The following MACROD2 variants were observed in gnomAD, a reference collection of about 807,000 sequenced individuals.
MACROD2 encodes the protein ADP-ribose glycohydrolase MACROD2.
Under a neutral mutation model 70.4 loss-of-function variants are expected in MACROD2, and 36 were observed. The ratio of observed to expected loss-of-function variants is 0.51; its 90% CI spans 0.39 to 0.68. The LOEUF (loss-of-function observed/expected upper bound fraction) is 0.68. Among genes scored for constraint, MACROD2 ranks in the 30% least tolerant of loss-of-function variants. The pLI is 0.00. For synonymous variants in MACROD2, 172 were observed against 178.8 expected, an observed-to-expected ratio of 0.96 and a Z score of 0.30; for missense variants, 496 against 538.4, an observed-to-expected ratio of 0.92 and a Z score of 0.78.
chr20:15,716,363 A>G (rs528705992), intron 8 of MACROD2, among the ~76,000 whole-genome samples: 46 of 152,322 alleles, frequency 3.0e-4, no homozygotes, highest in African/African-American at 1.0e-3. Context: ...TGTTTAAGAC[A>G]TGGTCGATTC....
intron 2 of MACROD2, among the ~76,000 whole-genome samples, chr20:14,032,144 G>T (rs1385090998): frequency 1.3e-5 from 2 of 151,426 alleles, no homozygotes; most frequent in African/African-American, 4.9e-5. Context: ...ATTTTTTGAT[G>T]ATCTCATTAT....
intron 5 of MACROD2, among the ~76,000 whole-genome samples, chr20:15,053,809 C>A (rs781402525): frequency 1.3e-5 from 2 of 152,156 alleles, no homozygotes; most frequent in African/African-American, 2.4e-5. Flanking sequence ...GGGCAAAGAA[C>A]ATTGAAAACC....
Position 14,363,380 on chromosome 20 carries a change from AGGC to A in MACROD2, c.272-130098_272-130096del, listed in dbSNP as rs1250205077. Among the ~76,000 whole-genome samples the A allele has an allele frequency of 8.5e-5, 13 of 152,272 alleles. No homozygotes were observed. The South Asian group carries it at 1.2e-3, about 15-fold the overall frequency. ...AGTGAAAGAGGTGATATATGAACAA[AGGC>A]ATTTTGGTCCTAAAACATGCCGTTC... On this transcript the variant is annotated intron_variant, in intron 3 of 17. Transcript: ENST00000684519.
chr20:15,158,782 T>C (rs2076326956), intron 5 of MACROD2, among the ~76,000 whole-genome samples: 1 of 152,142 alleles, frequency 6.6e-6, no homozygotes, highest in Non-Finnish European at 1.5e-5. Context: ...TATGAAAAGA[T>C]CATTAACTTG....
At chr20:14,399,623 T>C (rs761930901) in intron 3 of MACROD2, among the ~76,000 whole-genome samples, 23 of 152,162 alleles carry the variant, frequency 1.5e-4, no homozygotes, top group Non-Finnish European at 3.2e-4. Context: ...AATTTGAACA[T>C]TTTTCTCTGT....
intron 5 of MACROD2, among the ~76,000 whole-genome samples, chr20:14,937,213 C>T (rs1207311417): frequency 6.6e-6 from 1 of 151,448 alleles, no homozygotes; most frequent in African/African-American, 2.4e-5. Context: ...TAGCGTAGGC[C>T]GAGATGGGAA....
intron 4 of MACROD2, among the ~76,000 whole-genome samples, chr20:14,662,287 G>C (rs574465978): frequency 1.3e-5 from 2 of 152,108 alleles, no homozygotes; most frequent in East Asian, 3.9e-4. Context: ...CTAGCCATAT[G>C]CAGAAGATTG....
chr20:15,556,942 G>A (rs888652808), intron 8 of MACROD2, among the ~76,000 whole-genome samples: 2 of 152,100 alleles, frequency 1.3e-5, no homozygotes, highest in Admixed American at 1.3e-4. Flanking sequence ...TTTACTGTTT[G>A]GGGCTTTTTC....
At chr20:15,882,189 AT>A (rs1417801031) in intron 9 of MACROD2, among the ~76,000 whole-genome samples, 1 of 152,148 alleles carries the variant, frequency 6.6e-6, no homozygotes, top group Non-Finnish European at 1.5e-5. Flanking sequence ...ATACAAAATT[AT>A]TTTAACATGC....
At chr20:15,419,781 G>T (rs2046203598) in intron 6 of MACROD2, among the ~76,000 whole-genome samples, 1 of 152,208 alleles carries the variant, frequency 6.6e-6, no homozygotes, top group South Asian at 2.1e-4. Flanking sequence ...TGCAGAATGT[G>T]CCTGATACAT....
intron 8 of MACROD2, among the ~76,000 whole-genome samples, chr20:15,513,976 AT>A (rs1326028473): frequency 6.6e-6 from 1 of 152,208 alleles, no homozygotes; most frequent in Non-Finnish European, 1.5e-5. Context: ...TTTTGTCTTC[AT>A]TTTTGTAACA....
intron 3 of MACROD2, among the ~76,000 whole-genome samples, chr20:14,360,154 A>G (rs985440266): frequency 6.6e-5 from 10 of 152,254 alleles, no homozygotes; most frequent in Admixed American, 2.0e-4. Flanking sequence ...CAAGGGGTCC[A>G]AAATTTCAGT....
intron 5 of MACROD2, among the ~76,000 whole-genome samples, chr20:14,730,604 C>G (rs776261642): frequency 1.3e-5 from 2 of 152,108 alleles, no homozygotes; most frequent in African/African-American, 2.4e-5. Flanking sequence ...GCAACAGACC[C>G]TTCCAGAAGG....
intron 3 of MACROD2, among the ~76,000 whole-genome samples, chr20:14,309,696 C>T (rs941930036): frequency 3.9e-5 from 6 of 152,098 alleles, no homozygotes; most frequent in African/African-American, 1.4e-4. Context: ...AATGATTTCT[C>T]TATTTTACCT....
At chr20:15,010,210 A>G (rs1396364497) in intron 5 of MACROD2, among the ~76,000 whole-genome samples, 1 of 152,222 alleles carries the variant, frequency 6.6e-6, no homozygotes, top group Non-Finnish European at 1.5e-5. Context: ...GCATTACCCT[A>G]TCTTCCCTAC....
intron 5 of MACROD2, among the ~76,000 whole-genome samples, chr20:14,749,542 G>C: frequency 6.6e-6 from 1 of 151,990 alleles, no homozygotes; most frequent in East Asian, 1.9e-4. Flanking sequence ...ATGATTCTTT[G>C]AACTTCAAAG....
chr20:15,012,186 A>C (rs1380933043), intron 5 of MACROD2, among the ~76,000 whole-genome samples: 1 of 152,216 alleles, frequency 6.6e-6, no homozygotes, highest in Non-Finnish European at 1.5e-5. Flanking sequence ...AACTAAACAA[A>C]GAAAACACCA....
chr20:14,878,540 GAT>G (rs2073575642), intron 5 of MACROD2, among the ~76,000 whole-genome samples: 1 of 152,074 alleles, frequency 6.6e-6, no homozygotes, highest in Non-Finnish European at 1.5e-5. Flanking sequence ...ACAAAATAGA[GAT>G]AGACTCAGGA....
chr20:15,289,101 C>T (rs543529662), intron 6 of MACROD2, among the ~76,000 whole-genome samples: 1 of 152,176 alleles, frequency 6.6e-6, no homozygotes, highest in South Asian at 2.1e-4. Flanking sequence ...GCCCGCCTCA[C>T]CCATGGGATG....
Sources: allele counts gnomAD v4.1 joint callset (sites outside exome capture counted in the v4.1 genomes callset), GRCh38; gene constraint gnomAD v4.1.1; transcripts MANE v1.5; gene names NCBI Gene and HGNC (gene_info 2026-07-23, HGNC 2026-07-21).